The following ZNF782 variants were observed in gnomAD, a reference collection of about 807,000 sequenced individuals.
The protein encoded by ZNF782 is zinc finger protein 782.
A neutral mutation model predicts 13.0 loss-of-function variants in ZNF782; 12 were observed. The ratio of observed to expected loss-of-function variants is 0.92; its 90% CI spans 0.59 to 1.50. The LOEUF (loss-of-function observed/expected upper bound fraction) is 1.50. ZNF782 is among the 40% of genes most tolerant of loss of function. The probability of loss-of-function intolerance (pLI) is 0.00; values close to 1 mark genes in which losing one functional copy is unlikely to be tolerated. For missense variants in ZNF782, 770 were observed against 822.9 expected, an observed-to-expected ratio of 0.94 and a Z score of 0.79; for synonymous variants, 284 against 283.0, an observed-to-expected ratio of 1.00 and a Z score of -0.04.
chr9:96,830,728 G>A (rs976683168), intron 4 of ZNF782, among the ~76,000 whole-genome samples: 1 of 152,120 alleles, frequency 6.6e-6, no homozygotes, highest in Non-Finnish European at 1.5e-5. Context: ...CAACTTGATT[G>A]AGCAAAGACA....
At chr9:96,861,162 C>G (rs1851699643) in intron 2 of ZNF782, among the ~76,000 whole-genome samples, 1 of 152,118 alleles carries the variant, frequency 6.6e-6, no homozygotes, top group South Asian at 2.1e-4. Flanking sequence ...TGGGAAAACT[C>G]TCCAGGATAT....
the ZNF782 span, chr9:96,897,793 G>T: frequency 6.6e-6 from 1 of 151,718 alleles, no homozygotes; most frequent in Admixed American, 6.6e-5. Flanking sequence ...TCTCCAGGGT[G>T]ATGCTGTTTG....
chr9:96,918,575 T>C, the ZNF782 span: 1 of 150,580 alleles, frequency 6.6e-6, no homozygotes, highest in East Asian at 2.1e-4. Flanking sequence ...TATGCCGTGT[T>C]ATTTTTGCAA....
chr9:96,917,385 A>T, the ZNF782 span, among the ~76,000 whole-genome samples: 1 of 151,794 alleles, frequency 6.6e-6, no homozygotes, highest in African/African-American at 2.4e-5. Context: ...AAGCTACATA[A>T]ATAACTAACA....
chr9:96,832,910 T>C (rs1467547609), intron 4 of ZNF782, among the ~76,000 whole-genome samples: 1 of 152,156 alleles, frequency 6.6e-6, no homozygotes, highest in Admixed American at 6.5e-5. Flanking sequence ...AATTTTTTTT[T>C]TAGCCTTTTC....
rs761882556 is a variant in ZNF782 at position 96,845,005 on chromosome 9, T to A, written c.27A>T (p.Ser9=). 2.5e-6 allele frequency: 4 copies of A among 1,614,028 alleles called. No homozygotes were observed. In the Admixed American group the frequency reaches 6.7e-5, roughly 27 times the overall value. The part of the protein sequence containing the change: MNTFQASV[S]FQDVTVEFSQ... ...TGAATTCCACAGTCACGTCCTGGAA[T>A]GACACTGATGCCTGTAACAGCGCAT... is the stretch of plus-strand genomic sequence containing the variant. Residue 9 remains serine (S), a synonymous_variant, in exon 4 of 6, where the codon TCA becomes TCT. Coordinates refer to ENST00000481138, the MANE Select transcript of ZNF782 (RefSeq NM_001001662.3).
At chr9:96,871,131 G>A (rs16911569) in intron 1 of ZNF782, among the ~76,000 whole-genome samples, 5,493 of 152,110 alleles carry the variant, frequency 0.036, 246 homozygotes, top group East Asian at 0.24. Context: ...TGATCCAGTG[G>A]TAATAAAAAA....
At chr9:96,899,042 C>T in the ZNF782 span, among the ~76,000 whole-genome samples, 8 of 149,062 alleles carry the variant, frequency 5.4e-5, no homozygotes, top group South Asian at 1.1e-3. Context: ...CTGATAACCA[C>T]CATTCTACTT....
chr9:96,835,945 T>C (rs984359465), intron 4 of ZNF782, among the ~76,000 whole-genome samples: 1 of 152,140 alleles, frequency 6.6e-6, no homozygotes, highest in Non-Finnish European at 1.5e-5. Context: ...CCCAAAATTG[T>C]AGAGCCACCA....
At chr9:96,892,462 T>C in the ZNF782 span, 1 of 152,248 alleles carries the variant, frequency 6.6e-6, no homozygotes, top group Admixed American at 6.5e-5. Context: ...GTGACTGTCA[T>C]GCGTGGACCA....
intron 1 of ZNF782, among the ~76,000 whole-genome samples, chr9:96,862,168 T>A (rs1851708290): frequency 6.6e-6 from 1 of 152,200 alleles, no homozygotes; most frequent in Non-Finnish European, 1.5e-5. Context: ...AAACTTCACA[T>A]GTTTTCACTT....
At chr9:96,822,992 T>A (rs1216436643) in intron 5 of ZNF782, among the ~76,000 whole-genome samples, 1 of 152,216 alleles carries the variant, frequency 6.6e-6, no homozygotes, top group East Asian at 1.9e-4. Context: ...GGTCCCATGG[T>A]CATTTTAAAA....
upstream of ZNF782, among the ~76,000 whole-genome samples, chr9:96,876,684 A>C (rs1434805363): frequency 6.6e-6 from 1 of 152,204 alleles, no homozygotes; most frequent in African/African-American, 2.4e-5. Flanking sequence ...AACAAAAACC[A>C]AAAAATACGC....
intron 1 of ZNF782, among the ~76,000 whole-genome samples, chr9:96,871,769 C>T (rs1292708672): frequency 2.0e-5 from 3 of 152,164 alleles, no homozygotes; most frequent in African/African-American, 4.8e-5. Context: ...TTCAGTGATG[C>T]TTTGTAAATA....
At chr9:96,882,436 TTC>T in the ZNF782 span, among the ~76,000 whole-genome samples, 2 of 152,216 alleles carry the variant, frequency 1.3e-5, no homozygotes, top group Non-Finnish European at 2.9e-5. Context: ...AATTAGGCAT[TTC>T]TTTTTTAAAA....
chr9:96,885,198 T>C, the ZNF782 span, among the ~76,000 whole-genome samples: 1 of 152,180 alleles, frequency 6.6e-6, no homozygotes, highest in Non-Finnish European at 1.5e-5. Flanking sequence ...TAGAGTATTA[T>C]CTAACAAGGG....
At chr9:96,882,812 A>G in the ZNF782 span, among the ~76,000 whole-genome samples, 2 of 152,234 alleles carry the variant, frequency 1.3e-5, no homozygotes, top group Non-Finnish European at 2.9e-5. Context: ...GTCCTTGGAC[A>G]CTGTGGCCTC....
chr9:96,930,938 G>A, the ZNF782 span, among the ~76,000 whole-genome samples: 3 of 124,642 alleles, frequency 2.4e-5, no homozygotes, highest in Admixed American at 9.8e-5. Context: ...TCTGTCACCC[G>A]GGCTGGAATG....
intron 4 of ZNF782, among the ~76,000 whole-genome samples, chr9:96,839,548 C>T (rs1363408635): frequency 6.6e-6 from 1 of 152,026 alleles, no homozygotes; most frequent in Non-Finnish European, 1.5e-5. Flanking sequence ...TTAAGAACTA[C>T]CTTTTAAATT....
Sources: allele counts gnomAD v4.1 joint callset (sites outside exome capture counted in the v4.1 genomes callset), GRCh38; gene constraint gnomAD v4.1.1; transcripts MANE v1.5; gene names NCBI Gene and HGNC (gene_info 2026-07-23, HGNC 2026-07-21).